The following TMEM259 variants were observed in gnomAD, a reference collection of about 807,000 sequenced individuals.
The protein encoded by TMEM259 is transmembrane protein 259.
In TMEM259, 26 loss-of-function variants were observed where a neutral mutation model predicts 46.7. The observed-to-expected ratio is 0.56, with a 90% CI of 0.41 to 0.77. The LOEUF is 0.77. Among genes scored for constraint, TMEM259 ranks in the 30% least tolerant of loss-of-function variants. The pLI is 0.00. For missense variants in TMEM259, 930 were observed against 900.5 expected (o/e 1.03, Z -0.42); for synonymous variants, 494 against 395.1 (o/e 1.25, Z -2.97).
chr19:1,015,208 G>T (rs147996248), intron 1 of TMEM259, among the ~76,000 whole-genome samples: 1 of 152,238 alleles, frequency 6.6e-6, no homozygotes, highest in African/African-American at 2.4e-5. Context: ...ACGGCAGGGC[G>T]AGGCTGCCGT....
Position 1,016,980 on chromosome 19 carries a change from G to A in TMEM259, c.226-2507C>T, listed in dbSNP as rs149761284. Among the ~76,000 whole-genome samples the A allele has an allele frequency of 5.4e-3, 816 of 152,294 alleles. 5 individuals are homozygous for A. Among genetic ancestry groups the A allele is most frequent in the African/African-American group, 0.019 (793 of 41,536 alleles). On this transcript the variant is annotated intron_variant, in intron 1 of 10. Transcript: ENST00000356663. ...CGTCACTGTGTCTCTGCCCCATCAG[G>A]TGCTCCGTGCTGACCGAGCTCAGGG...
chr19:1,015,601 G>T (rs555503570), intron 1 of TMEM259, among the ~76,000 whole-genome samples: 2 of 152,056 alleles, frequency 1.3e-5, no homozygotes, highest in Non-Finnish European at 2.9e-5. Flanking sequence ...GCCCCGATCC[G>T]CAAAACTGAG....
chr19:1,015,451 G>A (rs2039076795), intron 1 of TMEM259, among the ~76,000 whole-genome samples: 1 of 152,166 alleles, frequency 6.6e-6, no homozygotes, highest in Non-Finnish European at 1.5e-5. Context: ...CTCAGAGTGG[G>A]GCCCCTCTAG....
Position 1,011,762 on chromosome 19 carries a change from GGT to G in TMEM259, c.977_978del (p.His326ProfsTer65). 1.3e-6 allele frequency: 2 copies of G among 1,559,128 alleles called. No individual in the cohort carries two copies. Among genetic ancestry groups the G allele is most frequent in the Non-Finnish European group, 1.7e-6 (2 of 1,151,216 alleles). On this transcript the variant is annotated frameshift_variant, in exon 7 of 11. Coordinates refer to ENST00000356663, the MANE Select transcript of TMEM259 (RefSeq NM_001033026.2). LOFTEE classifies it high-confidence loss of function. ...TCACCGATGAAGACGAAGATCTGGT[GGT>G]GTGAGTACCGCAGCAGCATGGACAC... is the stretch of plus-strand genomic sequence containing the variant. ...LSVSMLLRYSHHQIFVFIVDL... is the reference protein window; with the variant it reads ...LSVSMLLRYSXHQIFVFIVDL...
chr19:1,018,366 A>G (rs554869932), intron 1 of TMEM259, among the ~76,000 whole-genome samples: 1 of 152,250 alleles, frequency 6.6e-6, no homozygotes, highest in East Asian at 1.9e-4. Context: ...GCTGGCTCAG[A>G]GCTGGGAGAT....
rs551698083 is a variant in TMEM259 at position 1,011,796 on chromosome 19, C to T, written c.945G>A (p.Thr315=). 3.8e-6 allele frequency: 6 copies of T among 1,578,214 alleles called. No individual in the cohort carries two copies. Among genetic ancestry groups the T allele is most frequent in the South Asian group, 3.4e-5 (3 of 87,726 alleles). ...LAAFAIMVIF[T]LSVSMLLRYS... is the part of the protein sequence containing the mutation. Reference sequence around the variant, plus strand: ...ACCGCAGCAGCATGGACACGCTCAGCGTCTGCAAGGGGCGCGCAGGAAGCG... The same window carrying T: ...ACCGCAGCAGCATGGACACGCTCAGTGTCTGCAAGGGGCGCGCAGGAAGCG... Residue 315 remains threonine (T), a splice_region_variant and synonymous_variant, in exon 7 of 11, where the codon ACG becomes ACA. Coordinates refer to ENST00000356663, the MANE Select transcript of TMEM259 (RefSeq NM_001033026.2).
intron 10 of TMEM259, 22 bp downstream of exon 10, chr19:1,011,074 C>T (rs772084120): frequency 1.3e-6 from 2 of 1,567,654 alleles, no homozygotes; most frequent in African/African-American, 2.7e-5. Context: ...GGCCTGCCCC[C>T]TGCTTGCCGC....
At chr19:1,012,686 C>T (rs1042312675) in intron 3 of TMEM259, 113 bp from the exon 4 acceptor site, 1 of 1,422,286 alleles carries the variant, frequency 7.0e-7, no homozygotes, top group Non-Finnish European at 9.4e-7. Flanking sequence ...GAGCCCTGGG[C>T]CCCAGGTGGG....
intron 2 of TMEM259, 51 bp downstream of exon 2, chr19:1,014,141 G>A (rs1425118083): frequency 6.4e-7 from 1 of 1,571,182 alleles, no homozygotes; most frequent in Admixed American, 1.7e-5. Context: ...TCAGCGACCA[G>A]CATCTACGGG....
In TMEM259 at chr19:1,010,548, G is replaced by T. The variant is rs199857013; in HGVS notation, c.1665C>A (p.Ser555=). ...AAIITDASFL[S]GLSASLLERR... ...GCTCCAGGAGGGAGGCGCTCAGGCC[G>T]GACAGGAAGGAGGCGTCTGTGATGA... Residue 555 remains serine (S), a synonymous_variant, in exon 11 of 11, where the codon TCC becomes TCA. Transcript: ENST00000356663. 1.3e-6 allele frequency: 2 copies of T among 1,548,380 alleles called. No individual in the cohort carries two copies. Among genetic ancestry groups the T allele is most frequent in the African/African-American group, 1.4e-5 (1 of 73,016 alleles).
chr19:1,012,978 C>T (rs928341733), intron 3 of TMEM259, among the ~76,000 whole-genome samples: 2 of 152,300 alleles, frequency 1.3e-5, no homozygotes, highest in East Asian at 1.9e-4. Context: ...ACTCTGAGCT[C>T]AGAGCCGAAG....
intron 1 of TMEM259, among the ~76,000 whole-genome samples, chr19:1,015,712 A>G (rs1478664724): frequency 7.3e-6 from 1 of 137,444 alleles, no homozygotes; most frequent in African/African-American, 2.7e-5. Context: ...AGCCTGGAGC[A>G]CAGGGCCCCT....
chr19:1,013,456 C>G, intron 2 of TMEM259, 116 bp from the exon 3 acceptor site: 1 of 1,046,618 alleles, frequency 9.6e-7, no homozygotes. Flanking sequence ...TCTGCCCCAC[C>G]ACTGACCAGG....
chr19:1,019,963 C>G (rs754521012), intron 1 of TMEM259, among the ~76,000 whole-genome samples: 1 of 152,104 alleles, frequency 6.6e-6, no homozygotes, highest in Non-Finnish European at 1.5e-5. Context: ...CTGTCCTGCA[C>G]GGCTGAGACC....
chr19:1,009,774 C>G lies in TMEM259; in HGVS notation c.*576G>C. 2 of 595,822 alleles carry G rather than the reference C, an allele frequency of 3.4e-6. No homozygotes were observed. The highest frequency in any genetic ancestry group is 5.2e-6 in the Non-Finnish European group (2 of 381,452). The allele number at this position is 595,822 out of a possible 1,614,324, so 36.9% of individuals were successfully genotyped here. A position where few individuals can be genotyped will look rare whatever the true frequency, so the allele number is the denominator to read the frequency against. On this transcript the variant is annotated 3_prime_UTR_variant, in exon 11 of 11. Coordinates refer to ENST00000356663, the MANE Select transcript of TMEM259 (RefSeq NM_001033026.2). ...TGACTGGTTTGGCCGCCGGCCCACT[C>G]CATCCCCGAGTGGGACTGGACCACG...
rs1375701591 is a variant in TMEM259, at chr19:1,012,109, G to A, written c.798C>T (p.Leu266=). 1 of 1,611,498 alleles carries A rather than the reference G, an allele frequency of 6.2e-7. No homozygotes were observed. The highest frequency in any genetic ancestry group is 8.5e-7 in the Non-Finnish European group (1 of 1,179,306). The part of the protein sequence containing the change: ...LDEFLGYDDI[L]MSSVKGLAEN... ...CGGCCAGGCCCTTCACGCTGGACAT[G>A]AGGATGTCATCGTAGCCCAGGAACT... Residue 266 remains leucine (L), a synonymous_variant, in exon 5 of 11, where the codon CTC becomes CTT. Transcript: ENST00000356663.
chr19:1,011,686 GC>G, intron 7 of TMEM259, 23 bp from the exon 8 acceptor site: 2 of 1,536,028 alleles, frequency 1.3e-6, no homozygotes, highest in South Asian at 2.4e-5. Flanking sequence ...GGCGGCGGGC[GC>G]CCGGTGAGGG....
intron 1 of TMEM259, chr19:1,017,511 C>T: frequency 2.5e-6 from 1 of 398,756 alleles, no homozygotes; most frequent in Middle Eastern, 6.3e-4. Flanking sequence ...CCTGCCCACC[C>T]AGCACAGGAG....
chr19:1,010,679 TCCCGCTGGCCCCAGGCGAGACGGGG>T lies in TMEM259; in HGVS notation c.1509_1533del (p.Pro504ValfsTer46). The T allele has an allele frequency of 6.5e-7, 1 of 1,533,288 alleles. No homozygotes were observed. Among genetic ancestry groups the T allele is most frequent in the South Asian group, 1.2e-5 (1 of 83,936 alleles). The allele number at this position is 1,533,288 out of a possible 1,614,324, so 95.0% of individuals were successfully genotyped here. A position where few individuals can be genotyped will look rare whatever the true frequency, so the allele number is the denominator to read the frequency against. ...GGCGCCGCTGCCACAGGCCCGGGAC[TCCCGCTGGCCCCAGGCGAGACGGGG>T]CCCAGGGCGGGGGGCTGGCCGGCAG... On this transcript the variant is annotated frameshift_variant, in exon 11 of 11. Coordinates refer to ENST00000356663, the MANE Select transcript of TMEM259 (RefSeq NM_001033026.2). LOFTEE classifies it low-confidence loss of function (END_TRUNC).
Sources: allele counts gnomAD v4.1 joint callset (sites outside exome capture counted in the v4.1 genomes callset), GRCh38; gene constraint gnomAD v4.1.1; transcripts MANE v1.5; gene names NCBI Gene and HGNC (gene_info 2026-07-23, HGNC 2026-07-21).